Variants in ANKRD36C observed in about 807,000 individuals in gnomAD.
ANKRD36C encodes ankyrin repeat domain 36C, also known as ankyrin repeat domain-containing protein 36C.
Under a neutral mutation model 276.4 loss-of-function variants are expected in ANKRD36C, and 61 were observed. That is an observed-to-expected ratio of 0.22 (90% CI 0.18 to 0.27). The LOEUF is 0.27. Among genes scored for constraint, ANKRD36C ranks in the 10% least tolerant of loss-of-function variants. The probability of loss-of-function intolerance (pLI) is 1.00; values close to 1 mark genes in which losing one functional copy is unlikely to be tolerated. For synonymous variants in ANKRD36C, 483 were observed against 680.1 expected, an observed-to-expected ratio of 0.71 and a Z score of 4.51; for missense variants, 1,447 against 2,032.3, an observed-to-expected ratio of 0.71 and a Z score of 5.54.
At chr2:95,928,382 A>G (rs1221519321) in intron 26 of ANKRD36C, among the ~76,000 whole-genome samples, 1 of 151,634 alleles carries the variant, frequency 6.6e-6, no homozygotes, top group Non-Finnish European at 1.5e-5. Context: ...TCCAGAAAAC[A>G]TGTATCTCTG....
rs558879221 is a variant in ANKRD36C, at chr2:95,881,306, C to T, written c.3368-683G>A. On this transcript the variant is annotated intron_variant, in intron 56 of 66. Transcript: ENST00000456556. Reference sequence around the variant, plus strand: ...GCAAGAAGGTATAATATATAAACCCCATCAAAAAGTATAATAAATTATACA... The same window carrying T: ...GCAAGAAGGTATAATATATAAACCCTATCAAAAAGTATAATAAATTATACA... Among the ~76,000 whole-genome samples, 5 of 152,280 alleles carry T rather than the reference C, an allele frequency of 3.3e-5. No homozygotes were observed. In the South Asian group the frequency reaches 1.0e-3, roughly 32 times the overall value.
intron 24 of ANKRD36C, among the ~76,000 whole-genome samples, chr2:95,931,250 C>T (rs1677560039): frequency 6.6e-6 from 1 of 151,448 alleles, no homozygotes; most frequent in African/African-American, 2.4e-5. Context: ...TTCACAAAAG[C>T]AGCCCCATTG....
chr2:95,914,031 C>T (rs1677012480), intron 40 of ANKRD36C, 77 bp downstream of exon 42: 3 of 1,391,314 alleles, frequency 2.2e-6, no homozygotes, highest in African/African-American at 1.4e-5. Context: ...CAACGAGCCC[C>T]CCGCTGATTT....
At position 95,910,451 on chromosome 2, in the gene ANKRD36C, T is replaced by A; in HGVS notation, c.2653+1793A>T. On this transcript the variant is annotated intron_variant, in intron 42 of 66. Coordinates refer to ENST00000456556, the Ensembl canonical transcript of ANKRD36C. Reference sequence around the variant, plus strand: ...TCTTCCTCGTCACTTGTAGCCTGAATAGAATTTGAAACGAAATAATAAATA... The same window carrying A: ...TCTTCCTCGTCACTTGTAGCCTGAAAAGAATTTGAAACGAAATAATAAATA... 1 of 1,574,926 alleles carries A rather than the reference T, an allele frequency of 6.3e-7. No homozygotes were observed. Among genetic ancestry groups the A allele is most frequent in the Admixed American group, 1.8e-5 (1 of 55,292 alleles).
chr2:95,973,688 C>A (rs1678743990), intron 6 of ANKRD36C, among the ~76,000 whole-genome samples: 1 of 152,054 alleles, frequency 6.6e-6, no homozygotes, highest in Admixed American at 6.6e-5. Flanking sequence ...CACTTCTGCT[C>A]CCAAACAGTG....
intron 18 of ANKRD36C, 27 bp downstream of exon 18, chr2:95,945,087 A>G (rs376273442): frequency 6.5e-7 from 1 of 1,532,518 alleles, no homozygotes; most frequent in Non-Finnish European, 8.8e-7. Flanking sequence ...AGTAGATAAT[A>G]TAATAGTCAG....
chr2:95,908,567 C>G (rs775514152), intron 42 of ANKRD36C: 46 of 1,557,214 alleles, frequency 3.0e-5, no homozygotes, highest in Non-Finnish European at 3.7e-5. Flanking sequence ...TTTCTCATCT[C>G]TTGTAGCCTG....
exon 63 of ANKRD36C, chr2:95,856,122 T>G: frequency 6.2e-7 from 1 of 1,608,132 alleles, no homozygotes; most frequent in Non-Finnish European, 8.5e-7. Context: ...CCTGGCAATT[T>G]CATCTTGCAT....
rs1277182030 is a variant in ANKRD36C at position 95,897,454 on chromosome 2, G to T, written c.2755+1691C>A. 1.1e-5 allele frequency: 17 copies of T among 1,532,826 alleles called. No homozygotes were observed. In the South Asian group the frequency reaches 1.2e-4, roughly 11 times the overall value. The allele number at this position is 1,532,826 out of a possible 1,614,324, so 95.0% of individuals were successfully genotyped here. Reference sequence around the variant, plus strand: ...TTCATTACCTTCAAGCCTGGTGGTTGCTCAGAAGACACTGAAAAGTAAAAG... The same window carrying T: ...TTCATTACCTTCAAGCCTGGTGGTTTCTCAGAAGACACTGAAAAGTAAAAG... On this transcript the variant is annotated intron_variant, in intron 44 of 66. Transcript: ENST00000456556.
chr2:95,883,191 A>C (rs1247462460), intron 54 of ANKRD36C, among the ~76,000 whole-genome samples: 1 of 152,152 alleles, frequency 6.6e-6, no homozygotes. Flanking sequence ...CATATCAAAA[A>C]GTATAATAAA....
At chr2:95,850,996 C>A (rs1427712087), downstream of ANKRD36C, among the ~76,000 whole-genome samples, 1 of 152,080 alleles carries the variant, frequency 6.6e-6, no homozygotes, top group Non-Finnish European at 1.5e-5. Flanking sequence ...TAAGTATTAC[C>A]CTTCACTATG....
At chr2:95,870,241 G>A (rs1336338933) in intron 59 of ANKRD36C, among the ~76,000 whole-genome samples, 5 of 152,192 alleles carry the variant, frequency 3.3e-5, no homozygotes, top group Admixed American at 1.3e-4. Flanking sequence ...TGACCCCCGA[G>A]CAGCCTAACT....
At position 95,874,633 on chromosome 2, in the gene ANKRD36C, T is replaced by A. The variant is rs1318186570; in HGVS notation, c.3540+1806A>T. The stretch of plus-strand genomic sequence containing the variant: ...CATAGGCATGGGCAAGGACTTCATG[T>A]CTAAAACACCAACAGCAATGGCAAC... On this transcript the variant is annotated intron_variant, in intron 59 of 66. Coordinates refer to ENST00000456556, the Ensembl canonical transcript of ANKRD36C. 2.0e-5 allele frequency among the ~76,000 whole-genome samples: 3 copies of A among 152,214 alleles called. No individual in the cohort carries two copies. In the East Asian group the frequency reaches 5.8e-4, roughly 29 times the overall value.
intron 19 of ANKRD36C, among the ~76,000 whole-genome samples, chr2:95,943,469 G>C (rs1677951768): frequency 6.8e-6 from 1 of 147,750 alleles, no homozygotes; most frequent in African/African-American, 2.5e-5. Context: ...GGGAGACAGA[G>C]CGAGACTCCG....
rs187375244 is a variant in ANKRD36C, at chr2:95,916,314, T to G, written c.2348-143A>C. 2.0e-4 allele frequency: 239 copies of G among 1,166,100 alleles called. No homozygotes were observed. The East Asian group carries it at 5.3e-3, about 26-fold the overall frequency. The allele number at this position is 1,166,100 out of a possible 1,614,324, so 72.2% of individuals were successfully genotyped here. On this transcript the variant is annotated intron_variant, in intron 36 of 66. Coordinates refer to ENST00000456556, the Ensembl canonical transcript of ANKRD36C. ...TGGCTTCTACTTTGTGTCTGGGGAC[T>G]AGAACATGACAGAAATACACTGAAA...
intron 44 of ANKRD36C, among the ~76,000 whole-genome samples, chr2:95,893,316 T>C (rs12717779): frequency 0.4 from 59,629 of 149,330 alleles, 13,033 homozygotes; most frequent in African/African-American, 0.56. Flanking sequence ...ATATCTTCTT[T>C]CCAACTTCAA....
chr2:95,965,280 G>A (rs957240412), intron 6 of ANKRD36C, among the ~76,000 whole-genome samples: 3 of 151,788 alleles, frequency 2.0e-5, no homozygotes, highest in Admixed American at 1.3e-4. Flanking sequence ...GCTTTACAGG[G>A]TGTTTTTTCT....
intron 3 of ANKRD36C, among the ~76,000 whole-genome samples, chr2:95,984,483 T>C (rs951942073): frequency 3.3e-5 from 5 of 152,262 alleles, no homozygotes; most frequent in African/African-American, 4.8e-5. Flanking sequence ...ATTTGGACTA[T>C]AGACCTTGTA....
At chr2:95,898,175 T>C (rs1217069676) in intron 44 of ANKRD36C, among the ~76,000 whole-genome samples, 5 of 149,866 alleles carry the variant, frequency 3.3e-5, no homozygotes, top group Middle Eastern at 3.5e-3. Flanking sequence ...AATTATCAAT[T>C]TTGACATACA....
Sources: gnomAD v4.1 joint callset for allele counts (sites outside exome capture counted in the v4.1 genomes callset) on GRCh38, gnomAD v4.1.1 for gene constraint, MANE v1.5 for transcripts, NCBI Gene and HGNC (gene_info 2026-07-23, HGNC 2026-07-21) for gene names.